RPP14: variants seen among roughly 807,000 people sequenced by gnomAD.
RPP14 encodes the protein ribonuclease P protein subunit p14.
A neutral mutation model predicts 17.8 loss-of-function variants in RPP14; 19 were observed. That is an observed-to-expected ratio of 1.07 (90% CI 0.74 to 1.57). The LOEUF is 1.57. RPP14 is among the 40% of genes most tolerant of loss of function. RPP14 has a pLI of 0.00. For missense variants in RPP14, 125 were observed against 140.8 expected (o/e 0.89, Z 0.57); for synonymous variants, 60 against 56.4 (o/e 1.06, Z -0.29).
intron 3 of RPP14, among the ~76,000 whole-genome samples, chr3:58,314,829 C>G (rs2097486630): frequency 6.6e-6 from 1 of 151,980 alleles, no homozygotes; most frequent in Non-Finnish European, 1.5e-5. Context: ...GGACTACAGG[C>G]ACACACCACC....
At chr3:58,308,858 A>C (rs1157348863) in intron 1 of RPP14, among the ~76,000 whole-genome samples, 1 of 151,796 alleles carries the variant, frequency 6.6e-6, no homozygotes, top group East Asian at 1.9e-4. Flanking sequence ...ACCTTCATGA[A>C]GAGGTGGTAT....
At chr3:58,314,675 A>ATTTTTTTTTTTTTT (rs751757663) in intron 3 of RPP14, among the ~76,000 whole-genome samples, 9 of 90,584 alleles carry the variant, frequency 9.9e-5, no homozygotes, top group Admixed American at 3.4e-4. Context: ...GTTTGGCAGT[A>ATTTTTTTTTTTTTT]TTTTTTTTTT....
chr3:58,318,313 A>G lies in RPP14; in HGVS notation c.*817A>G, dbSNP rs867252512. The G allele has an allele frequency of 1.3e-4, 62 of 465,254 alleles. No individual in the cohort carries two copies. In the South Asian group the frequency reaches 2.8e-3, roughly 21 times the overall value. 28.8% of individuals were successfully genotyped at this position (465,254 alleles called of 1,614,324 possible). A position where few individuals can be genotyped will look rare whatever the true frequency, so the allele number is the denominator to read the frequency against. On this transcript the variant is annotated 3_prime_UTR_variant, in exon 6 of 6. Transcript: ENST00000295959. ...TTATGCTTCATGCAGACTTGAGTGT[A>G]TGCAGGATTTCATTATCTGCCTGGG...
intron 3 of RPP14, among the ~76,000 whole-genome samples, chr3:58,315,510 A>G (rs975774627): frequency 2.6e-5 from 4 of 152,184 alleles, no homozygotes; most frequent in African/African-American, 9.7e-5. Context: ...AGAGCCACAC[A>G]CAGGTATAAA....
Position 58,318,640 on chromosome 3 carries a change from A to G in RPP14, c.*1144A>G, listed in dbSNP as rs944643829. 3 of 152,486 alleles carry G rather than the reference A, an allele frequency of 2.0e-5. No individual in the cohort carries two copies. Among genetic ancestry groups the G allele is most frequent in the African/African-American group, 7.3e-5 (3 of 41,322 alleles). 9.4% of individuals were successfully genotyped at this position (152,486 alleles called of 1,614,324 possible). ...TGAGAAACTGAGATTGCACCACTGC[A>G]CTGTAGCCTGAGTGACAGAGCGAGA... On this transcript the variant is annotated 3_prime_UTR_variant, in exon 6 of 6. Transcript: ENST00000295959.
chr3:58,316,638 C>T (rs757797595), intron 4 of RPP14, 47 bp downstream of exon 4: 6 of 1,494,262 alleles, frequency 4.0e-6, no homozygotes, highest in East Asian at 4.5e-5. Flanking sequence ...GCAGAGAGAC[C>T]GATGGAGCAA....
At chr3:58,309,753 G>A (rs941038573) in intron 1 of RPP14, among the ~76,000 whole-genome samples, 3 of 152,116 alleles carry the variant, frequency 2.0e-5, no homozygotes, top group South Asian at 2.1e-4. Flanking sequence ...GTAGCCGGGC[G>A]TGGTAGCACA....
Position 58,307,146 on chromosome 3 carries a change from T to G in RPP14, c.-22+729T>G, listed in dbSNP as rs539664372. Among the ~76,000 whole-genome samples, 9 of 152,140 alleles carry G rather than the reference T, an allele frequency of 5.9e-5. No individual in the cohort carries two copies. In the South Asian group the frequency reaches 1.9e-3, roughly 32 times the overall value. On this transcript the variant is annotated intron_variant, in intron 1 of 5. Coordinates refer to ENST00000295959, the MANE Select transcript of RPP14 (RefSeq NM_007042.6). ...AAAGAGCTAGGCTAGGCCTGTGTGGTGGCGGGGATTGAGCGGAGGGAGAAT... is the reference window on the plus strand; with the variant it reads ...AAAGAGCTAGGCTAGGCCTGTGTGGGGGCGGGGATTGAGCGGAGGGAGAAT...
At chr3:58,314,363 GTAA>G (rs1297435155) in intron 3 of RPP14, among the ~76,000 whole-genome samples, 1 of 151,910 alleles carries the variant, frequency 6.6e-6, no homozygotes, top group Non-Finnish European at 1.5e-5. Context: ...AAAAATAATA[GTAA>G]TAATAATAAA....
intron 1 of RPP14, among the ~76,000 whole-genome samples, chr3:58,309,749 G>A (rs554181045): frequency 2.6e-5 from 4 of 152,130 alleles, no homozygotes; most frequent in East Asian, 1.9e-4. Flanking sequence ...AAAGGTAGCC[G>A]GGCGTGGTAG....
chr3:58,312,317 A>C (rs912111577), intron 3 of RPP14, among the ~76,000 whole-genome samples: 2 of 136,776 alleles, frequency 1.5e-5, no homozygotes, highest in South Asian at 2.6e-4. Flanking sequence ...GCTGGAGTGC[A>C]GTGGCACAAC....
Position 58,319,126 on chromosome 3 carries a change from G to A in RPP14, c.*1630G>A, listed in dbSNP as rs1455162210. On this transcript the variant is annotated 3_prime_UTR_variant, in exon 6 of 6. Transcript: ENST00000295959. ...TAACTGTGTAACAATTATTGAAGGC[G>A]AAAATAGAAGTTGGGTCATCTTTGA... 1 of 152,172 alleles carries A rather than the reference G, an allele frequency of 6.6e-6. No individual in the cohort carries two copies. The highest frequency in any genetic ancestry group is 2.4e-5 in the African/African-American group (1 of 41,448). 9.4% of individuals were successfully genotyped at this position (152,172 alleles called of 1,614,324 possible).
At chr3:58,310,855 G>A (rs886374778) in intron 3 of RPP14, among the ~76,000 whole-genome samples, 24 of 151,236 alleles carry the variant, frequency 1.6e-4, no homozygotes, top group South Asian at 4.2e-4. Flanking sequence ...GCTTGAACCC[G>A]GGAGGCAGAG....
intron 3 of RPP14, among the ~76,000 whole-genome samples, chr3:58,314,056 A>G (rs1288455796): frequency 6.6e-6 from 1 of 152,176 alleles, no homozygotes; most frequent in African/African-American, 2.4e-5. Flanking sequence ...ACCATGTCTC[A>G]AAAATAATAA....
chr3:58,318,260 GT>G lies in RPP14; in HGVS notation c.*766del. ...AGGGGAAGGGAGCAGGAAGAGGGTTGTTCAAATGCCCACTTTCCAGTTTGGC... is the reference window on the plus strand; with the variant it reads ...AGGGGAAGGGAGCAGGAAGAGGGTTGTCAAATGCCCACTTTCCAGTTTGGC... On this transcript the variant is annotated 3_prime_UTR_variant, in exon 6 of 6. Coordinates refer to ENST00000295959, the MANE Select transcript of RPP14 (RefSeq NM_007042.6). 1.8e-6 allele frequency: 1 copy of G among 559,742 alleles called. No homozygotes were observed. The highest frequency in any genetic ancestry group is 2.5e-5 in the South Asian group (1 of 39,418). The allele number at this position is 559,742 out of a possible 1,614,324, so 34.7% of individuals were successfully genotyped here.
intron 3 of RPP14, among the ~76,000 whole-genome samples, chr3:58,315,537 A>G (rs576226375): frequency 2.8e-4 from 43 of 152,342 alleles, no homozygotes; most frequent in African/African-American, 6.3e-4. Flanking sequence ...TAGACATACA[A>G]TTGGTAAAAT....
intron 5 of RPP14, 132 bp from the exon 6 acceptor site, chr3:58,317,308 T>C: frequency 1.6e-6 from 1 of 642,254 alleles, no homozygotes; most frequent in Non-Finnish European, 2.8e-6. Flanking sequence ...ATCGAAGGCT[T>C]CCTCTCAGGA....
rs10940 is a variant in RPP14 at position 58,319,414 on chromosome 3, G to A, written c.*1918G>A. On this transcript the variant is annotated 3_prime_UTR_variant, in exon 6 of 6. Coordinates refer to ENST00000295959, the MANE Select transcript of RPP14 (RefSeq NM_007042.6). ...CACAGGGCCCAGCCTGTCAGCAGTA[G>A]CTACTATTATTGTTGCCCATTTCCC... 6.6e-5 allele frequency: 10 copies of A among 152,300 alleles called. No individual in the cohort carries two copies. Among genetic ancestry groups the A allele is most frequent in the Admixed American group, 1.3e-4 (2 of 15,298 alleles). 9.4% of individuals were successfully genotyped at this position (152,300 alleles called of 1,614,324 possible).
chr3:58,314,675 ATTTTTTT>A (rs751757663), intron 3 of RPP14, among the ~76,000 whole-genome samples: 9 of 90,558 alleles, frequency 9.9e-5, no homozygotes, highest in South Asian at 9.1e-4. Flanking sequence ...GTTTGGCAGT[ATTTTTTT>A]TTTTTTTTTT....
Sources: allele counts gnomAD v4.1 joint callset (sites outside exome capture counted in the v4.1 genomes callset), GRCh38; gene constraint gnomAD v4.1.1; transcripts MANE v1.5; gene names NCBI Gene and HGNC (gene_info 2026-07-23, HGNC 2026-07-21).